The following BBS9 variants were observed in gnomAD, a reference collection of about 807,000 sequenced individuals.
The protein encoded by BBS9 is protein PTHB1.
Under a neutral mutation model 117.7 loss-of-function variants are expected in BBS9, and 89 were observed. The ratio of observed to expected loss-of-function variants is 0.76; its 90% CI spans 0.64 to 0.90. The LOEUF (loss-of-function observed/expected upper bound fraction) is 0.90. BBS9 is among the 40% of genes least tolerant of loss of function. The pLI is 0.00. For missense variants in BBS9, 982 were observed against 1,042.2 expected, an observed-to-expected ratio of 0.94 and a Z score of 0.80; for synonymous variants, 379 against 370.9, an observed-to-expected ratio of 1.02 and a Z score of -0.25.
At chr7:33,316,229 ATT>A (rs1298570916) in intron 9 of BBS9, among the ~76,000 whole-genome samples, 1 of 152,098 alleles carries the variant, frequency 6.6e-6, no homozygotes, top group Non-Finnish European at 1.5e-5. Context: ...ATGTTTTAAT[ATT>A]TGTCTTATTT....
chr7:33,247,120 A>G (rs965737691), intron 5 of BBS9, among the ~76,000 whole-genome samples: 1 of 151,924 alleles, frequency 6.6e-6, no homozygotes, highest in Non-Finnish European at 1.5e-5. Flanking sequence ...GTTAAATTTT[A>G]TCCATTTTTC....
At chr7:33,218,959 G>T (rs1484753518) in intron 5 of BBS9, among the ~76,000 whole-genome samples, 3 of 152,250 alleles carry the variant, frequency 2.0e-5, no homozygotes, top group African/African-American at 4.8e-5. Flanking sequence ...CCCTCAGCTT[G>T]CAGGGAGGTG....
At chr7:33,551,227 G>T (rs1389302174) in intron 21 of BBS9, among the ~76,000 whole-genome samples, 1 of 152,108 alleles carries the variant, frequency 6.6e-6, no homozygotes, top group East Asian at 1.9e-4. Flanking sequence ...GGGGTGCCAG[G>T]CCCCAGTTGA....
At chr7:33,535,813 GA>G (rs1199235228) in intron 21 of BBS9, among the ~76,000 whole-genome samples, 1 of 151,866 alleles carries the variant, frequency 6.6e-6, no homozygotes, top group East Asian at 1.9e-4. Context: ...GAGAGAGAGA[GA>G]AAAAAAATTT....
At chr7:33,151,692 G>A (rs1793350775) in intron 2 of BBS9, among the ~76,000 whole-genome samples, 1 of 151,862 alleles carries the variant, frequency 6.6e-6, no homozygotes, top group Non-Finnish European at 1.5e-5. Context: ...TGGGATTACG[G>A]GCATGCGCCA....
At chr7:33,580,474 G>T (rs975528859) in intron 21 of BBS9, among the ~76,000 whole-genome samples, 2 of 151,450 alleles carry the variant, frequency 1.3e-5, no homozygotes, top group Non-Finnish European at 2.9e-5. Flanking sequence ...TAACAGTCAA[G>T]AAATAAGATT....
intron 9 of BBS9, among the ~76,000 whole-genome samples, chr7:33,330,630 T>G (rs1813833565): frequency 6.6e-6 from 1 of 152,206 alleles, no homozygotes; most frequent in Non-Finnish European, 1.5e-5. Context: ...TGTTTTAATG[T>G]GTTGTTAAGG....
chr7:33,143,343 C>T (rs889367202), intron 1 of BBS9, among the ~76,000 whole-genome samples: 52 of 152,156 alleles, frequency 3.4e-4, no homozygotes, highest in African/African-American at 1.2e-3. Context: ...CCACCAACAG[C>T]GTACAGAGAT....
chr7:33,454,601 TATC>T (rs1388333188), intron 19 of BBS9, among the ~76,000 whole-genome samples: 1 of 152,260 alleles, frequency 6.6e-6, no homozygotes, highest in Non-Finnish European at 1.5e-5. Flanking sequence ...AGGATGGGAT[TATC>T]ATGATTGGCT....
intron 19 of BBS9, among the ~76,000 whole-genome samples, chr7:33,463,292 A>G (rs562798769): frequency 5.5e-4 from 83 of 152,116 alleles, no homozygotes; most frequent in Non-Finnish European, 1.0e-3. Context: ...TTTGTAACCA[A>G]TTGTGCTGGC....
chr7:33,321,486 C>G (rs1811703919), intron 9 of BBS9, among the ~76,000 whole-genome samples: 1 of 151,314 alleles, frequency 6.6e-6, no homozygotes, highest in African/African-American at 2.4e-5. Context: ...TTCTTTGTAG[C>G]TTTTGTAAAT....
At chr7:33,225,299 G>T (rs1378545831) in intron 5 of BBS9, among the ~76,000 whole-genome samples, 1 of 152,162 alleles carries the variant, frequency 6.6e-6, no homozygotes, top group Non-Finnish European at 1.5e-5. Context: ...CTGGGCTGAA[G>T]TGATCCTCCC....
chr7:33,579,622 A>G (rs1859531673), intron 21 of BBS9, among the ~76,000 whole-genome samples: 1 of 152,136 alleles, frequency 6.6e-6, no homozygotes, highest in Non-Finnish European at 1.5e-5. Context: ...AAATTATAAG[A>G]TGACCTGGAC....
intron 19 of BBS9, among the ~76,000 whole-genome samples, chr7:33,442,197 C>T (rs886419424): frequency 5.3e-5 from 8 of 152,086 alleles, no homozygotes; most frequent in Non-Finnish European, 8.8e-5. Flanking sequence ...TGACTGCTGG[C>T]GTATGCTTCT....
chr7:33,378,548 C>A (rs886087414), intron 17 of BBS9, among the ~76,000 whole-genome samples: 3 of 152,136 alleles, frequency 2.0e-5, no homozygotes, highest in Admixed American at 6.5e-5. Context: ...AGCTCATAGG[C>A]CCCTGTTGAG....
intron 19 of BBS9, among the ~76,000 whole-genome samples, chr7:33,400,942 C>T (rs1828805405): frequency 6.6e-6 from 1 of 152,202 alleles, no homozygotes; most frequent in Non-Finnish European, 1.5e-5. Flanking sequence ...ATATTTGTCA[C>T]ACTACCTGAG....
chr7:33,564,261 C>G (rs890682969), intron 21 of BBS9, among the ~76,000 whole-genome samples: 1 of 152,152 alleles, frequency 6.6e-6, no homozygotes, highest in Non-Finnish European at 1.5e-5. Flanking sequence ...TTGTAACTCA[C>G]CTGTAATTCG....
intron 19 of BBS9, among the ~76,000 whole-genome samples, chr7:33,455,989 A>G (rs1430185314): frequency 6.6e-6 from 1 of 152,238 alleles, no homozygotes; most frequent in Non-Finnish European, 1.5e-5. Flanking sequence ...TAATGAAATT[A>G]TTGTGCTGGG....
At chr7:33,130,578 C>T (rs1789436065) in intron 1 of BBS9, among the ~76,000 whole-genome samples, 1 of 152,176 alleles carries the variant, frequency 6.6e-6, no homozygotes, top group African/African-American at 2.4e-5. Context: ...CAGGTATACA[C>T]ATCTTACATG....
Sources: gnomAD v4.1 joint callset for allele counts (sites outside exome capture counted in the v4.1 genomes callset) on GRCh38, gnomAD v4.1.1 for gene constraint, MANE v1.5 for transcripts, NCBI Gene and HGNC (gene_info 2026-07-23, HGNC 2026-07-21) for gene names.